NDUFAB1: variants seen among roughly 807,000 people sequenced by gnomAD.
NDUFAB1 encodes the protein NADH:ubiquinone oxidoreductase subunit AB1.
A neutral mutation model predicts 16.1 loss-of-function variants in NDUFAB1; 5 were observed. The ratio of observed to expected loss-of-function variants is 0.31; its 90% CI spans 0.16 to 0.65. NDUFAB1 has a LOEUF of 0.65. Among genes scored for constraint, NDUFAB1 ranks in the 30% least tolerant of loss-of-function variants. The probability of loss-of-function intolerance (pLI) is 0.77; values close to 1 mark genes in which losing one functional copy is unlikely to be tolerated. For synonymous variants in NDUFAB1, 85 were observed against 78.4 expected (o/e 1.08, Z -0.44); for missense variants, 187 against 205.3 (o/e 0.91, Z 0.54).
chr16:23,587,749 G>A (rs1966245919), intron 1 of NDUFAB1, among the ~76,000 whole-genome samples: 1 of 152,250 alleles, frequency 6.6e-6, no homozygotes, highest in African/African-American at 2.4e-5. Flanking sequence ...AGCTGTCATG[G>A]TAAACCCAAA....
chr16:23,582,245 T>C, intron 4 of NDUFAB1, 31 bp downstream of exon 4: 1 of 1,431,642 alleles, frequency 7.0e-7, no homozygotes. Context: ...GACAAATCTA[T>C]GGGTGAACAT....
At chr16:23,586,685 G>C (rs1966236064) in intron 2 of NDUFAB1, among the ~76,000 whole-genome samples, 1 of 149,998 alleles carries the variant, frequency 6.7e-6, no homozygotes, top group Non-Finnish European at 1.5e-5. Flanking sequence ...TTTCACTCTT[G>C]TTGCCTAGGC....
chr16:23,587,156 C>T, intron 2 of NDUFAB1, 41 bp downstream of exon 2: 2 of 1,567,534 alleles, frequency 1.3e-6, no homozygotes, highest in Non-Finnish European at 1.7e-6. Context: ...TAATTAAATA[C>T]TCTATATTTA....
At chr16:23,595,579 A>T in intron 1 of NDUFAB1, 1 of 456,078 alleles carries the variant, frequency 2.2e-6, no homozygotes, top group South Asian at 1.5e-5. Flanking sequence ...TATTGGTCAA[A>T]GGTCACTTGG....
chr16:23,585,217 G>T (rs1966222773), intron 3 of NDUFAB1, 119 bp downstream of exon 3: 1 of 722,610 alleles, frequency 1.4e-6, no homozygotes, highest in Non-Finnish European at 2.4e-6. Context: ...GAAGGGCAGT[G>T]GATGCTACTG....
intron 1 of NDUFAB1, chr16:23,595,470 C>T (rs996531693): frequency 9.5e-6 from 4 of 421,930 alleles, no homozygotes; most frequent in African/African-American, 8.2e-5. Context: ...TAGGAAGAGC[C>T]TGCCCTCCTT....
At position 23,596,278 on chromosome 16, in the gene NDUFAB1, C is replaced by T. The variant is rs571743878; in HGVS notation, c.13G>A (p.Val5Ile). 6.4e-7 allele frequency: 1 copy of T among 1,568,724 alleles called. No individual in the cohort carries two copies. The highest frequency in any genetic ancestry group is 8.6e-7 in the Non-Finnish European group (1 of 1,159,492). The stretch of plus-strand genomic sequence containing the variant: ...AGGCGGCTGACATAGGCTGAAAGGA[C>T]ACGAGACGCCATGGCTACGCCAACC... Reference protein sequence around the residue: MASRVLSAYVSRLPA... With the variant: MASRILSAYVSRLPA... The change falls in exon 1 of 5, where the codon GTC becomes ATC. Residue 5 changes from valine (V) to isoleucine (I), a missense_variant. Physicochemically the swap from Val to Ile is conservative, Grantham distance 29. Transcript: ENST00000007516.
Position 23,587,188 on chromosome 16 carries a change from A to T in NDUFAB1, c.291+9T>A, listed in dbSNP as rs1298696311. ...TTTAAAGAAAAAAATTCAAACCACC[A>T]TCAGTTACCTTCTCTGGGTCAATCT... On this transcript the variant is annotated intron_variant, in intron 2 of 4. Transcript: ENST00000007516. 2 of 1,607,904 alleles carry T rather than the reference A, an allele frequency of 1.2e-6. No individual in the cohort carries two copies. Among genetic ancestry groups the T allele is most frequent in the African/African-American group, 2.7e-5 (2 of 74,500 alleles).
At chr16:23,585,957 T>C (rs1966229093) in intron 2 of NDUFAB1, among the ~76,000 whole-genome samples, 1 of 152,258 alleles carries the variant, frequency 6.6e-6, no homozygotes. Flanking sequence ...TGAGAAAGTC[T>C]TGCTCTGTCA....
At chr16:23,584,255 T>A (rs394133) in intron 3 of NDUFAB1, among the ~76,000 whole-genome samples, 7,366 of 33,936 alleles carry the variant, frequency 0.22, 1,205 homozygotes, top group East Asian at 0.34. Flanking sequence ...AATGATCAAT[T>A]AAAAAAAAAA....
chr16:23,595,477 C>G, intron 1 of NDUFAB1: 1 of 429,718 alleles, frequency 2.3e-6, no homozygotes, highest in Middle Eastern at 3.4e-4. Flanking sequence ...AGCCTGCCCT[C>G]CTTATACGCG....
At chr16:23,592,411 G>A (rs1215868898) in intron 1 of NDUFAB1, among the ~76,000 whole-genome samples, 1 of 151,936 alleles carries the variant, frequency 6.6e-6, no homozygotes, top group Non-Finnish European at 1.5e-5. Flanking sequence ...AGCTCATGTT[G>A]GGAGATGGTA....
At chr16:23,592,896 C>T (rs1436644846) in intron 1 of NDUFAB1, among the ~76,000 whole-genome samples, 2 of 152,080 alleles carry the variant, frequency 1.3e-5, no homozygotes, top group Admixed American at 1.3e-4. Flanking sequence ...ATGAGATGAA[C>T]AAGGACTGGA....
At chr16:23,583,352 C>G (rs1045907828) in intron 3 of NDUFAB1, among the ~76,000 whole-genome samples, 2 of 151,922 alleles carry the variant, frequency 1.3e-5, no homozygotes, top group African/African-American at 4.8e-5. Flanking sequence ...GCCCGGCCAC[C>G]CATCGTCTGA....
intron 3 of NDUFAB1, among the ~76,000 whole-genome samples, chr16:23,583,733 C>T (rs1428931659): frequency 1.3e-5 from 2 of 149,074 alleles, no homozygotes; most frequent in Non-Finnish European, 3.0e-5. Flanking sequence ...GCGTCTCCGC[C>T]CGGCAGCCGC....
intron 2 of NDUFAB1, among the ~76,000 whole-genome samples, chr16:23,586,491 C>T (rs562121186): frequency 9.3e-5 from 14 of 150,432 alleles, no homozygotes; most frequent in South Asian, 2.1e-4. Context: ...TCTGCCACCA[C>T]GCCTGTCTAA....
At position 23,590,055 on chromosome 16, in the gene NDUFAB1, T is replaced by A. The variant is rs144628508; in HGVS notation, c.169-2736A>T. 8.1e-3 allele frequency among the ~76,000 whole-genome samples: 1,222 copies of A among 150,910 alleles called. 17 individuals are homozygous for A. Among genetic ancestry groups the A allele is most frequent in the African/African-American group, 0.028 (1,153 of 41,022 alleles). The stretch of plus-strand genomic sequence containing the variant: ...TGGAAGGATCGCTTGAGCCCAGGAG[T>A]TCCAGACCAACCTGGGCAACAAAGC... On this transcript the variant is annotated intron_variant, in intron 1 of 4. Transcript: ENST00000007516.
At chr16:23,584,057 C>A (rs1966209079) in intron 3 of NDUFAB1, among the ~76,000 whole-genome samples, 1 of 151,482 alleles carries the variant, frequency 6.6e-6, no homozygotes, top group African/African-American at 2.4e-5. Context: ...TACTTGAAGG[C>A]AGCATGCTTG....
intron 1 of NDUFAB1, among the ~76,000 whole-genome samples, chr16:23,590,536 T>A (rs1347390142): frequency 6.6e-6 from 1 of 152,034 alleles, no homozygotes; most frequent in Non-Finnish European, 1.5e-5. Flanking sequence ...TTTAGTAGGA[T>A]CCTGAGAACA....
Sources: gnomAD v4.1 joint callset for allele counts (sites outside exome capture counted in the v4.1 genomes callset) on GRCh38, gnomAD v4.1.1 for gene constraint, MANE v1.5 for transcripts, NCBI Gene and HGNC (gene_info 2026-07-23, HGNC 2026-07-21) for gene names.